GRIK2: variants seen among roughly 807,000 people sequenced by gnomAD.
The protein encoded by GRIK2 is glutamate receptor ionotropic, kainate 2.
GRIK2 carries 32 observed loss-of-function variants against 100.3 expected under a neutral mutation model. The ratio of observed to expected loss-of-function variants is 0.32; its 90% CI spans 0.24 to 0.43. The LOEUF (loss-of-function observed/expected upper bound fraction) is 0.43. Ranked by LOEUF, GRIK2 falls within the 20% of genes least tolerant of loss-of-function variation. The pLI is 1.00. For synonymous variants in GRIK2, 417 were observed against 389.4 expected (o/e 1.07, Z -0.83); for missense variants, 843 against 1,114.9 (o/e 0.76, Z 3.47).
At chr6:101,767,271 T>A (rs1778096476) in intron 7 of GRIK2, among the ~76,000 whole-genome samples, 1 of 152,220 alleles carries the variant, frequency 6.6e-6, no homozygotes, top group Admixed American at 6.5e-5. Context: ...CAAACAGTAA[T>A]CAATTCACCT....
intron 10 of GRIK2, among the ~76,000 whole-genome samples, chr6:101,854,550 C>A (rs1199743893): frequency 1.3e-5 from 2 of 151,850 alleles, no homozygotes; most frequent in Admixed American, 6.6e-5. Flanking sequence ...GTAAGCTGTG[C>A]CGCCCAGCCT....
chr6:101,641,322 C>A (rs1227938795), intron 4 of GRIK2, among the ~76,000 whole-genome samples: 1 of 151,876 alleles, frequency 6.6e-6, no homozygotes, highest in African/African-American at 2.4e-5. Flanking sequence ...TCCACTCTCA[C>A]AATGAACTTT....
rs1777863570 is a variant in GRIK2 at position 101,577,880 on chromosome 6, C to T, written c.116-44069C>T. On this transcript the variant is annotated intron_variant, in intron 2 of 16. Transcript: ENST00000369134. ...CCATTAATCTAATGAATGAAGAGCT[C>T]CTGTGTTCCTGGGGAATGGGGAATG... Among the ~76,000 whole-genome samples the T allele has an allele frequency of 2.0e-5, 3 of 152,042 alleles. No individual in the cohort carries two copies. In the South Asian group the frequency reaches 6.2e-4, roughly 31 times the overall value.
At chr6:101,550,900 G>T (rs1026122969) in intron 2 of GRIK2, among the ~76,000 whole-genome samples, 1 of 152,120 alleles carries the variant, frequency 6.6e-6, no homozygotes, top group Admixed American at 6.5e-5. Context: ...CCTATAAAAT[G>T]AAAGCATTAC....
intron 2 of GRIK2, among the ~76,000 whole-genome samples, chr6:101,426,147 T>C (rs1446437402): frequency 6.6e-6 from 1 of 152,194 alleles, no homozygotes; most frequent in Non-Finnish European, 1.5e-5. Context: ...CTTTGTGTAT[T>C]GAGACACAGT....
chr6:101,771,923 C>G (rs556640999), intron 7 of GRIK2, among the ~76,000 whole-genome samples: 46 of 152,062 alleles, frequency 3.0e-4, no homozygotes, highest in African/African-American at 1.1e-3. Flanking sequence ...TTTCTTAATC[C>G]CGTCTATCAT....
chr6:101,518,834 T>A (rs1774722342), intron 2 of GRIK2, among the ~76,000 whole-genome samples: 1 of 152,144 alleles, frequency 6.6e-6, no homozygotes, highest in South Asian at 2.1e-4. Context: ...CTTTAGGAAG[T>A]GCTCCTTGAT....
chr6:101,836,889 C>T (rs932358296), intron 10 of GRIK2, among the ~76,000 whole-genome samples: 11 of 151,814 alleles, frequency 7.2e-5, no homozygotes, highest in Non-Finnish European at 1.2e-4. Context: ...TGGTCTTGAA[C>T]TCCTGACCCT....
chr6:101,455,874 T>A (rs1770981441), intron 2 of GRIK2, among the ~76,000 whole-genome samples: 1 of 152,086 alleles, frequency 6.6e-6, no homozygotes, highest in Admixed American at 6.6e-5. Context: ...TACTATAGTA[T>A]CTCCGATGGT....
intron 2 of GRIK2, among the ~76,000 whole-genome samples, chr6:101,594,748 G>A (rs551279242): frequency 1.3e-5 from 2 of 151,826 alleles, no homozygotes; most frequent in East Asian, 1.9e-4. Context: ...GTAAGTGGAT[G>A]GTAACAAAGT....
In GRIK2 at chr6:101,565,915, TTATATATATATATATATGTGTA is replaced by T. The variant is rs1271385561; in HGVS notation, c.116-56016_116-55995del. Among the ~76,000 whole-genome samples, 359 of 123,312 alleles carry T rather than the reference TTATATATATATATATATGTGTA, an allele frequency of 2.9e-3. 3 individuals carry two copies. Among genetic ancestry groups the T allele is most frequent in the Admixed American group, 5.6e-3 (70 of 12,394 alleles). The allele number at this position is 123,312 out of a possible 152,430, so 80.9% of individuals were successfully genotyped here. A position where few individuals can be genotyped will look rare whatever the true frequency, so the allele number is the denominator to read the frequency against. On this transcript the variant is annotated intron_variant, in intron 2 of 16. Coordinates refer to ENST00000369134, the MANE Select transcript of GRIK2 (RefSeq NM_021956.5). ...CAATCTTTATCTTTATATACCTATTTTATATATATATATATATGTGTATATATATATATATATATATATAAGC... is the reference window on the plus strand; with the variant it reads ...CAATCTTTATCTTTATATACCTATTTTATATATATATATATATATATAAGC...
intron 7 of GRIK2, among the ~76,000 whole-genome samples, chr6:101,763,491 A>G (rs1031074282): frequency 4.6e-5 from 7 of 152,152 alleles, no homozygotes; most frequent in African/African-American, 1.4e-4. Context: ...TTTTCTTACT[A>G]TGTGGAAGTT....
intron 14 of GRIK2, among the ~76,000 whole-genome samples, chr6:101,952,685 C>G (rs1791673811): frequency 6.6e-6 from 1 of 151,816 alleles, no homozygotes; most frequent in South Asian, 2.1e-4. Flanking sequence ...TCACTGCAAG[C>G]TCCGCCTCCT....
rs371912771 is a variant in GRIK2 at position 101,802,427 on chromosome 6, G to A, written c.1192G>A (p.Gly398Ser). Reference sequence around the variant, plus strand: ...GGATGTGATCAGTCTGAAGGAAGAAGGTCTAGAAAAGGTATTTCAGTGAGC... The same window carrying A: ...GGATGTGATCAGTCTGAAGGAAGAAAGTCTAGAAAAGGTATTTCAGTGAGC... ...DLDVISLKEE[G>S]LEKIGTWDPA... The change falls in exon 9 of 17, where the codon GGT (glycine) becomes AGT (serine). Residue 398 changes from glycine to serine, a missense_variant. Around this residue, in one of 3 missense-constraint regions of GRIK2, gnomAD observed 519 missense variants for 643.8 expected, o/e 0.81. Transcript: ENST00000369134. The A allele has an allele frequency of 3.7e-5, 56 of 1,513,456 alleles. No individual in the cohort carries two copies. The highest frequency in any genetic ancestry group is 4.1e-5 in the Non-Finnish European group (46 of 1,110,826). 93.8% of individuals were successfully genotyped at this position (1,513,456 alleles called of 1,614,324 possible). A position where few individuals can be genotyped will look rare whatever the true frequency, so the allele number is the denominator to read the frequency against.
chr6:102,022,011 G>C (rs1769447534), intron 14 of GRIK2, among the ~76,000 whole-genome samples: 1 of 149,046 alleles, frequency 6.7e-6, no homozygotes, highest in Non-Finnish European at 1.5e-5. Context: ...TAGAAGGGTA[G>C]ATTTAGATAT....
intron 2 of GRIK2, among the ~76,000 whole-genome samples, chr6:101,564,193 G>A (rs1258527662): frequency 2.0e-5 from 3 of 152,142 alleles, no homozygotes; most frequent in African/African-American, 7.2e-5. Flanking sequence ...GTTAAAACAA[G>A]CATTTACATT....
intron 11 of GRIK2, among the ~76,000 whole-genome samples, chr6:101,870,244 T>G (rs1421440320): frequency 6.6e-6 from 1 of 151,908 alleles, no homozygotes; most frequent in Non-Finnish European, 1.5e-5. Flanking sequence ...TTAAGGTCCT[T>G]TCCTAGTTAG....
rs113031533 is a variant in GRIK2, at chr6:101,519,897, G to A, written c.116-102052G>A. 9.8e-4 allele frequency among the ~76,000 whole-genome samples: 149 copies of A among 152,210 alleles called. 1 individual carries two copies. The highest frequency in any genetic ancestry group is 3.5e-3 in the African/African-American group (146 of 41,530). On this transcript the variant is annotated intron_variant, in intron 2 of 16. Coordinates refer to ENST00000369134, the MANE Select transcript of GRIK2 (RefSeq NM_021956.5). ...AGGATACATACAGAGAAGTTTTGAT[G>A]ACTTGCCTATTTGTTTTCTTTTACC...
intron 7 of GRIK2, among the ~76,000 whole-genome samples, chr6:101,791,558 C>T (rs901948840): frequency 3.3e-5 from 5 of 152,096 alleles, no homozygotes; most frequent in African/African-American, 9.7e-5. Flanking sequence ...TTTGATTGCA[C>T]TGTGGTCTGA....
Sources: allele counts gnomAD v4.1 joint callset (sites outside exome capture counted in the v4.1 genomes callset), GRCh38; gene constraint gnomAD v4.1.1; regional missense constraint gnomAD v4.1.1; transcripts MANE v1.5; gene names NCBI Gene and HGNC (gene_info 2026-07-23, HGNC 2026-07-21).